TCF12: variants seen among roughly 807,000 people sequenced by gnomAD.
TCF12 encodes the protein transcription factor 12.
Under a neutral mutation model 86.0 loss-of-function variants are expected in TCF12, and 45 were observed. That is an observed-to-expected ratio of 0.52 (90% confidence interval 0.41 to 0.67). The LOEUF (loss-of-function observed/expected upper bound fraction) is 0.67, where lower values mean the gene tolerates loss of function less well. TCF12 is among the 30% of genes least tolerant of loss of function. The pLI is 0.00. For missense variants in TCF12, 881 were observed against 859.9 expected, an observed-to-expected ratio of 1.02 and a Z score of -0.31; for synonymous variants, 330 against 299.6, an observed-to-expected ratio of 1.10 and a Z score of -1.05.
intron 3 of TCF12, among the ~76,000 whole-genome samples, chr15:57,017,088 T>C (rs189307367): frequency 7.9e-5 from 12 of 152,310 alleles, no homozygotes; most frequent in Admixed American, 3.3e-4. Context: ...TCCTGTCTTC[T>C]ACCTTCATCC....
chr15:57,001,514 G>A (rs1303619893), intron 3 of TCF12: 1 of 162,134 alleles, frequency 6.2e-6, no homozygotes, highest in East Asian at 1.3e-4. Context: ...GTCTTTCATA[G>A]ATTTAAAAAA....
At chr15:57,187,657 C>A (rs1375886598) in intron 6 of TCF12, among the ~76,000 whole-genome samples, 1 of 152,114 alleles carries the variant, frequency 6.6e-6, no homozygotes, top group African/African-American at 2.4e-5. Context: ...AGTGGCTGGG[C>A]ATGGTGGCTC....
At position 57,289,853 on chromosome 15, in the gene TCF12, A is replaced by G. The variant is rs1312125834; in HGVS notation, c.*3708A>G. 1 of 152,064 alleles carries G rather than the reference A, an allele frequency of 6.6e-6. No individual in the cohort carries two copies. Among genetic ancestry groups the G allele is most frequent in the African/African-American group, 2.4e-5 (1 of 41,400 alleles). The allele number at this position is 152,064 out of a possible 1,614,324, so 9.4% of individuals were successfully genotyped here. A position where few individuals can be genotyped will look rare whatever the true frequency, so the allele number is the denominator to read the frequency against. On this transcript the variant is annotated 3_prime_UTR_variant, in exon 21 of 21. Transcript: ENST00000333725. ...TTTTAAATAAATAATATTATAACCA[A>G]CTCCCAGGATGATTCCTCTTCAGCC...
intron 3 of TCF12, among the ~76,000 whole-genome samples, chr15:56,931,965 T>A (rs2140272680): frequency 6.6e-6 from 1 of 152,302 alleles, no homozygotes; most frequent in East Asian, 1.9e-4. Flanking sequence ...TGTAGGGGTT[T>A]GAGATGCTGT....
chr15:56,935,804 A>G (rs1271402030), intron 3 of TCF12, among the ~76,000 whole-genome samples: 6 of 152,016 alleles, frequency 3.9e-5, no homozygotes, highest in African/African-American at 1.2e-4. Flanking sequence ...AATGCCATTA[A>G]TTTGTTCCTT....
intron 6 of TCF12, among the ~76,000 whole-genome samples, chr15:57,185,466 A>G (rs2056613251): frequency 6.6e-6 from 1 of 152,252 alleles, no homozygotes; most frequent in Non-Finnish European, 1.5e-5. Flanking sequence ...ATACCTTAAG[A>G]AACAAGTAAA....
At chr15:57,200,359 A>C (rs912425701) in intron 8 of TCF12, among the ~76,000 whole-genome samples, 1 of 152,208 alleles carries the variant, frequency 6.6e-6, no homozygotes, top group African/African-American at 2.4e-5. Context: ...ATAGAATTTT[A>C]AGTTGTGATT....
chr15:56,971,343 CT>C (rs1175478673), intron 3 of TCF12, among the ~76,000 whole-genome samples: 3 of 151,928 alleles, frequency 2.0e-5, no homozygotes, highest in African/African-American at 4.8e-5. Flanking sequence ...TAGAGAATCG[CT>C]TGAACCTAAG....
chr15:57,263,030 C>T, intron 17 of TCF12, 82 bp from the exon 18 acceptor site: 1 of 1,435,934 alleles, frequency 7.0e-7, no homozygotes. Flanking sequence ...TATTCACCAG[C>T]TAGAAAGCTT....
intron 3 of TCF12, among the ~76,000 whole-genome samples, chr15:56,984,462 T>C (rs1469011509): frequency 6.6e-6 from 1 of 152,160 alleles, no homozygotes; most frequent in Non-Finnish European, 1.5e-5. Flanking sequence ...AAGCTGATCA[T>C]GAACAAATTC....
At chr15:56,935,015 A>G (rs1159050269) in intron 3 of TCF12, among the ~76,000 whole-genome samples, 1 of 152,218 alleles carries the variant, frequency 6.6e-6, no homozygotes, top group African/African-American at 2.4e-5. Flanking sequence ...AATTGCAACG[A>G]TGAGAATAGC....
chr15:57,018,540 G>T (rs1278005170), intron 3 of TCF12, among the ~76,000 whole-genome samples: 1 of 151,810 alleles, frequency 6.6e-6, no homozygotes, highest in African/African-American at 2.4e-5. Context: ...TCGGCTCACC[G>T]CAACATGTGC....
At chr15:57,278,284 G>C (rs1373924992) in intron 19 of TCF12, among the ~76,000 whole-genome samples, 1 of 152,148 alleles carries the variant, frequency 6.6e-6, no homozygotes, top group Non-Finnish European at 1.5e-5. Context: ...ACTGGGCCTA[G>C]AGAGCAACTA....
intron 3 of TCF12, among the ~76,000 whole-genome samples, chr15:57,009,302 G>T (rs1161679671): frequency 5.3e-5 from 8 of 151,914 alleles, no homozygotes; most frequent in African/African-American, 1.9e-4. Flanking sequence ...GTGGAGATGG[G>T]GTTTTGCCAT....
At chr15:56,995,530 C>T (rs1265335363) in intron 3 of TCF12, among the ~76,000 whole-genome samples, 1 of 151,806 alleles carries the variant, frequency 6.6e-6, no homozygotes, top group African/African-American at 2.4e-5. Flanking sequence ...TCTTTTACGT[C>T]CTTGATTAGC....
At chr15:57,282,328 A>T in intron 19 of TCF12, 117 bp from the exon 20 acceptor site, 1 of 1,217,156 alleles carries the variant, frequency 8.2e-7, no homozygotes, top group Non-Finnish European at 1.2e-6. Flanking sequence ...TGTTTCTTCT[A>T]TGTGATGGTA....
At chr15:57,233,447 G>A (rs1566958252) in intron 11 of TCF12, among the ~76,000 whole-genome samples, 1 of 152,062 alleles carries the variant, frequency 6.6e-6, no homozygotes, top group East Asian at 1.9e-4. Context: ...CAAAATGCTA[G>A]CATTATAGAC....
At chr15:57,163,766 G>A (rs986621803) in intron 5 of TCF12, among the ~76,000 whole-genome samples, 18 of 152,122 alleles carry the variant, frequency 1.2e-4, no homozygotes, top group Admixed American at 5.2e-4. Context: ...TTAAAGGATT[G>A]TACACTTGCA....
intron 3 of TCF12, among the ~76,000 whole-genome samples, chr15:56,994,043 T>C (rs2063579154): frequency 6.6e-6 from 1 of 151,856 alleles, no homozygotes; most frequent in South Asian, 2.1e-4. Context: ...AGCAGAGAAA[T>C]AGAAGATACA....
Sources: allele counts gnomAD v4.1 joint callset (sites outside exome capture counted in the v4.1 genomes callset), GRCh38; gene constraint gnomAD v4.1.1; transcripts MANE v1.5; gene names NCBI Gene and HGNC (gene_info 2026-07-23, HGNC 2026-07-21).